The following EPB41L4B variants were observed in gnomAD, a reference collection of about 807,000 sequenced individuals.
The protein encoded by EPB41L4B is band 4.1-like protein 4B.
EPB41L4B carries 30 observed loss-of-function variants against 112.5 expected under a neutral mutation model. The observed-to-expected ratio is 0.27, with a 90% CI of 0.20 to 0.36. EPB41L4B has a LOEUF of 0.36. Ranked by LOEUF, EPB41L4B falls within the 10% of genes least tolerant of loss-of-function variation. The pLI, the probability that EPB41L4B is intolerant of heterozygous loss-of-function variation, is 1.00. For synonymous variants in EPB41L4B, 408 were observed against 439.7 expected (o/e 0.93, Z 0.90); for missense variants, 1,024 against 1,133.3 (o/e 0.90, Z 1.38).
At chr9:109,298,167 C>T (rs958837853) in intron 1 of EPB41L4B, among the ~76,000 whole-genome samples, 1 of 152,090 alleles carries the variant, frequency 6.6e-6, no homozygotes, top group African/African-American at 2.4e-5. Context: ...TGGATTTATA[C>T]AGATTATCAA....
At chr9:109,230,244 G>A (rs1477834578) in intron 15 of EPB41L4B, among the ~76,000 whole-genome samples, 1 of 152,194 alleles carries the variant, frequency 6.6e-6, no homozygotes. Context: ...CTCAAGTCAT[G>A]TAGCTAGTAA....
At chr9:109,274,302 G>A (rs1835733773) in intron 2 of EPB41L4B, among the ~76,000 whole-genome samples, 1 of 152,106 alleles carries the variant, frequency 6.6e-6, no homozygotes, top group Admixed American at 6.6e-5. Flanking sequence ...CCTGCTTGGT[G>A]GGGCTGTTAC....
At chr9:109,281,530 C>T (rs1337456068) in intron 1 of EPB41L4B, among the ~76,000 whole-genome samples, 1 of 152,092 alleles carries the variant, frequency 6.6e-6, no homozygotes, top group African/African-American at 2.4e-5. Context: ...TGGTGAAACC[C>T]TGTCTCCACT....
At chr9:109,281,181 A>G (rs1836022352) in intron 1 of EPB41L4B, among the ~76,000 whole-genome samples, 1 of 151,694 alleles carries the variant, frequency 6.6e-6, no homozygotes, top group Non-Finnish European at 1.5e-5. Flanking sequence ...CAGACAACCC[A>G]GATGGGAGAA....
intron 15 of EPB41L4B, among the ~76,000 whole-genome samples, chr9:109,230,583 T>C (rs942129115): frequency 2.0e-5 from 3 of 152,226 alleles, no homozygotes; most frequent in Admixed American, 1.3e-4. Context: ...TTATTTCAAT[T>C]TTAATTTGGT....
intron 1 of EPB41L4B, among the ~76,000 whole-genome samples, chr9:109,280,579 C>T (rs1179221879): frequency 1.3e-5 from 2 of 152,142 alleles, no homozygotes; most frequent in Non-Finnish European, 2.9e-5. Context: ...TCTATTCCTG[C>T]CCCTGTAAAA....
At chr9:109,200,781 TAA>T (rs112135762) in intron 19 of EPB41L4B, among the ~76,000 whole-genome samples, 2 of 151,024 alleles carry the variant, frequency 1.3e-5, no homozygotes, top group South Asian at 2.1e-4. Context: ...ATTTTTTTTT[TAA>T]AAAAAGATAA....
intron 23 of EPB41L4B, among the ~76,000 whole-genome samples, chr9:109,185,285 G>C (rs1832212583): frequency 6.6e-6 from 1 of 152,240 alleles, no homozygotes; most frequent in Non-Finnish European, 1.5e-5. Flanking sequence ...TAGAGGCGAA[G>C]TGGGCTCCAT....
intron 15 of EPB41L4B, among the ~76,000 whole-genome samples, chr9:109,226,815 A>T (rs115650389): frequency 0.035 from 5,164 of 147,218 alleles, 281 homozygotes; most frequent in African/African-American, 0.11. Context: ...TATGAAGAAC[A>T]TATATATATG....
chr9:109,203,805 T>C, intron 18 of EPB41L4B, 75 bp from the exon 19 acceptor site: 5 of 1,211,824 alleles, frequency 4.1e-6, no homozygotes, highest in Non-Finnish European at 6.1e-6. Context: ...GTCTCTTACA[T>C]TCAAAAGATT....
intron 17 of EPB41L4B, among the ~76,000 whole-genome samples, chr9:109,208,508 CAA>C (rs1833057015): frequency 1.3e-5 from 2 of 152,178 alleles, no homozygotes; most frequent in Admixed American, 6.5e-5. Context: ...TGATTTTCAA[CAA>C]GAAATTTATA....
chr9:109,192,841 G>A (rs975796384), intron 21 of EPB41L4B, among the ~76,000 whole-genome samples: 2 of 152,274 alleles, frequency 1.3e-5, no homozygotes, highest in South Asian at 2.1e-4. Context: ...GGTCTTAGCT[G>A]CATGGATGGC....
At chr9:109,183,047 C>T (rs1336354102) in intron 23 of EPB41L4B, among the ~76,000 whole-genome samples, 3 of 152,122 alleles carry the variant, frequency 2.0e-5, no homozygotes, top group African/African-American at 7.2e-5. Context: ...GTTCCTAGAG[C>T]GCCCCCACAC....
At chr9:109,219,793 C>G (rs1211489065) in intron 15 of EPB41L4B, among the ~76,000 whole-genome samples, 2 of 151,994 alleles carry the variant, frequency 1.3e-5, no homozygotes, top group Non-Finnish European at 2.9e-5. Context: ...ATATTTAAAA[C>G]CTTTTCGTGG....
At position 109,194,216 on chromosome 9, in the gene EPB41L4B, A is replaced by G. The variant is rs773403579; in HGVS notation, c.2223+4T>C. The G allele has an allele frequency of 1.4e-5, 22 of 1,613,654 alleles. No homozygotes were observed. The highest frequency in any genetic ancestry group is 3.3e-5 in the Admixed American group (2 of 59,998). ...GCTCGCCAGGGCTTTCCACCCCCCAATACCTTGGCCCCAGGGGACAGCAGG... is the reference window on the plus strand; with the variant it reads ...GCTCGCCAGGGCTTTCCACCCCCCAGTACCTTGGCCCCAGGGGACAGCAGG... On this transcript the variant is annotated splice_donor_region_variant and intron_variant, in intron 21 of 25. Transcript: ENST00000374566.
intron 25 of EPB41L4B, among the ~76,000 whole-genome samples, chr9:109,175,088 T>C (rs1323728041): frequency 6.6e-6 from 1 of 151,388 alleles, no homozygotes; most frequent in Non-Finnish European, 1.5e-5. Context: ...AGCTAATTTT[T>C]TGTATTTTAG....
intron 1 of EPB41L4B, among the ~76,000 whole-genome samples, chr9:109,280,399 T>C (rs545254641): frequency 6.6e-6 from 1 of 152,350 alleles, no homozygotes; most frequent in Non-Finnish European, 1.5e-5. Context: ...AAAGACCTGC[T>C]GGAGGTCACA....
chr9:109,256,365 A>T, intron 8 of EPB41L4B, 28 bp downstream of exon 8: 1 of 1,608,758 alleles, frequency 6.2e-7, no homozygotes. Context: ...CAGCAAAACC[A>T]AATTACTTAA....
In EPB41L4B at chr9:109,259,366, G is replaced by A. The variant is rs117487157; in HGVS notation, c.632-1069C>T. On this transcript the variant is annotated intron_variant, in intron 6 of 25. Coordinates refer to ENST00000374566, the MANE Select transcript of EPB41L4B (RefSeq NM_019114.5). Reference sequence around the variant, plus strand: ...CGCCCCCAGAGTTTTTGAATCCCTAGGTCTGGAACCCGGCCTAAGAACTGG... The same window carrying A: ...CGCCCCCAGAGTTTTTGAATCCCTAAGTCTGGAACCCGGCCTAAGAACTGG... 5.7e-3 allele frequency among the ~76,000 whole-genome samples: 875 copies of A among 152,314 alleles called. 17 individuals are homozygous for A. The East Asian group carries it at 0.084, about 15-fold the overall frequency.
Sources: allele counts gnomAD v4.1 joint callset (sites outside exome capture counted in the v4.1 genomes callset), GRCh38; gene constraint gnomAD v4.1.1; transcripts MANE v1.5; gene names NCBI Gene and HGNC (gene_info 2026-07-23, HGNC 2026-07-21).